FYN: variants seen among roughly 807,000 people sequenced by gnomAD.
The protein encoded by FYN is FYN proto-oncogene, Src family tyrosine kinase.
In FYN, 10 loss-of-function variants were observed where a neutral mutation model predicts 70.2. That is an observed-to-expected ratio of 0.14 (90% CI 0.09 to 0.24). FYN has a LOEUF of 0.24. FYN is among the 10% of genes least tolerant of loss of function. The pLI is 1.00. For missense variants in FYN, 319 were observed against 673.1 expected, an observed-to-expected ratio of 0.47 and a Z score of 5.82; for synonymous variants, 236 against 248.6, an observed-to-expected ratio of 0.95 and a Z score of 0.48.
At chr6:111,675,100 C>T (rs1372092012) in intron 12 of FYN, among the ~76,000 whole-genome samples, 2 of 152,050 alleles carry the variant, frequency 1.3e-5, no homozygotes, top group Non-Finnish European at 2.9e-5. Context: ...GTTAGATTTC[C>T]CAAAGGCCTC....
At chr6:111,831,632 T>C (rs899686441) in intron 2 of FYN, among the ~76,000 whole-genome samples, 3 of 148,956 alleles carry the variant, frequency 2.0e-5, no homozygotes, top group African/African-American at 7.8e-5. Flanking sequence ...ATATGTGACA[T>C]GCTTATGTTA....
intron 12 of FYN, among the ~76,000 whole-genome samples, chr6:111,693,217 G>A (rs956320120): frequency 3.3e-5 from 5 of 152,276 alleles, no homozygotes; most frequent in East Asian, 3.9e-4. Flanking sequence ...TCAAGAGGAG[G>A]AGGAACAGGG....
rs143349788 is a variant in FYN, at chr6:111,688,649, GTGTGTGCTCA to G, written c.1273+5716_1273+5725del. 8.6e-3 allele frequency among the ~76,000 whole-genome samples: 1,314 copies of G among 152,124 alleles called. 23 individuals carry two copies. Among genetic ancestry groups the G allele is most frequent in the African/African-American group, 0.03 (1,258 of 41,566 alleles). On this transcript the variant is annotated intron_variant, in intron 12 of 13. Coordinates refer to ENST00000354650, the MANE Select transcript of FYN (RefSeq NM_002037.5). Reference sequence around the variant, plus strand: ...CAGCGTGTGTGTGCTCATGCAGCGTGTGTGTGCTCATGTGTGCTCATGTTGATGTGTGTAT... The same window carrying G: ...CAGCGTGTGTGTGCTCATGCAGCGTGTGTGTGCTCATGTTGATGTGTGTAT...
At chr6:111,764,856 T>G (rs1803164886) in intron 3 of FYN, among the ~76,000 whole-genome samples, 1 of 152,188 alleles carries the variant, frequency 6.6e-6, no homozygotes, top group Admixed American at 6.5e-5. Flanking sequence ...CCTGTTCTAG[T>G]TCCTGAATTC....
chr6:111,729,337 G>C (rs529005545), intron 3 of FYN, among the ~76,000 whole-genome samples: 2 of 152,008 alleles, frequency 1.3e-5, no homozygotes, highest in African/African-American at 4.8e-5. Context: ...AGATGGGTGT[G>C]GTGGCAGGCA....
chr6:111,685,481 C>G (rs982320798), intron 12 of FYN, among the ~76,000 whole-genome samples: 10 of 152,196 alleles, frequency 6.6e-5, no homozygotes, highest in African/African-American at 2.4e-4. Flanking sequence ...GGGGAGCCAC[C>G]CTGGGGATGG....
intron 3 of FYN, among the ~76,000 whole-genome samples, chr6:111,753,016 G>A (rs1167726174): frequency 1.3e-5 from 2 of 152,054 alleles, no homozygotes; most frequent in Non-Finnish European, 2.9e-5. Flanking sequence ...CCAAAATAGA[G>A]GCAAAAATAG....
At chr6:111,859,926 A>G (rs1355481975) in intron 1 of FYN, among the ~76,000 whole-genome samples, 1 of 152,238 alleles carries the variant, frequency 6.6e-6, no homozygotes, top group Non-Finnish European at 1.5e-5. Flanking sequence ...TTCAGCGACA[A>G]GTTTCCTTGT....
chr6:111,782,875 C>T (rs905745701), intron 2 of FYN, among the ~76,000 whole-genome samples: 1 of 152,150 alleles, frequency 6.6e-6, no homozygotes, highest in Non-Finnish European at 1.5e-5. Flanking sequence ...AGATGTGAAC[C>T]GGTGGTTCTG....
chr6:111,723,046 A>C (rs187554124), intron 3 of FYN, among the ~76,000 whole-genome samples: 2 of 152,340 alleles, frequency 1.3e-5, no homozygotes, highest in Non-Finnish European at 2.9e-5. Flanking sequence ...AGAGAAACAG[A>C]ACCTGGAAGT....
At position 111,827,416 on chromosome 6, in the gene FYN, TA is replaced by T. The variant is rs1166419067; in HGVS notation, c.-82+19172del. The stretch of plus-strand genomic sequence containing the variant: ...CAACAGCTACAGGAACCTCCCAGTT[TA>T]CTTTCTTCTAGATGTCCCTAAAACC... On this transcript the variant is annotated intron_variant, in intron 2 of 13. Coordinates refer to ENST00000354650, the MANE Select transcript of FYN (RefSeq NM_002037.5). Among the ~76,000 whole-genome samples, 5 of 152,336 alleles carry T rather than the reference TA, an allele frequency of 3.3e-5. No homozygotes were observed. In the East Asian group the frequency reaches 9.7e-4, roughly 29 times the overall value.
intron 1 of FYN, among the ~76,000 whole-genome samples, chr6:111,849,473 C>T (rs894853089): frequency 1.3e-5 from 2 of 152,210 alleles, no homozygotes; most frequent in African/African-American, 4.8e-5. Context: ...GCAGTGCAGG[C>T]AAAGCAACCA....
intron 13 of FYN, among the ~76,000 whole-genome samples, chr6:111,671,977 A>G (rs1798295262): frequency 6.6e-6 from 1 of 152,156 alleles, no homozygotes; most frequent in South Asian, 2.1e-4. Context: ...ATGGCTAGGA[A>G]CAGGCCTGGG....
At chr6:111,662,004 G>A (rs923735449) in intron 13 of FYN, 57 bp from the exon 14 acceptor site, 6 of 1,387,150 alleles carry the variant, frequency 4.3e-6, no homozygotes, top group South Asian at 2.7e-5. Flanking sequence ...CCTGACCGCC[G>A]CACTTGCAGA....
At chr6:111,772,683 C>A (rs1348931349) in intron 3 of FYN, among the ~76,000 whole-genome samples, 2 of 152,170 alleles carry the variant, frequency 1.3e-5, no homozygotes, top group African/African-American at 2.4e-5. Context: ...AAGAGAAGAG[C>A]ATGCTAAACA....
intron 1 of FYN, among the ~76,000 whole-genome samples, chr6:111,855,013 A>C (rs1485575400): frequency 6.6e-6 from 1 of 152,068 alleles, no homozygotes; most frequent in Non-Finnish European, 1.5e-5. Flanking sequence ...CTGTTGTTCC[A>C]AATTGATTTT....
chr6:111,822,632 A>G (rs1772704993), intron 2 of FYN, among the ~76,000 whole-genome samples: 1 of 151,356 alleles, frequency 6.6e-6, no homozygotes, highest in Non-Finnish European at 1.5e-5. Flanking sequence ...AGTATTATAT[A>G]TATATATAAA....
At chr6:111,743,407 G>T (rs1406691911) in intron 3 of FYN, among the ~76,000 whole-genome samples, 9 of 152,208 alleles carry the variant, frequency 5.9e-5, no homozygotes, top group Non-Finnish European at 1.3e-4. Context: ...CCCTGAGGCA[G>T]CTGTATAAAT....
rs118063137 is a variant in FYN at position 111,828,643 on chromosome 6, A to G, written c.-82+17946T>C. ...CCTGGAGGACATTATGCTAAATGAA[A>G]TCAGCCAGTTGTAGGACACATTCTA... On this transcript the variant is annotated intron_variant, in intron 2 of 13. Coordinates refer to ENST00000354650, the MANE Select transcript of FYN (RefSeq NM_002037.5). 5.5e-3 allele frequency among the ~76,000 whole-genome samples: 834 copies of G among 152,200 alleles called. 8 individuals carry two copies. Among genetic ancestry groups the G allele is most frequent in the Non-Finnish European group, 9.0e-3 (614 of 67,970 alleles).
Sources: allele counts gnomAD v4.1 joint callset (sites outside exome capture counted in the v4.1 genomes callset), GRCh38; gene constraint gnomAD v4.1.1; transcripts MANE v1.5; gene names NCBI Gene and HGNC (gene_info 2026-07-23, HGNC 2026-07-21).